The following NPR1 variants were observed in gnomAD, a reference collection of about 807,000 sequenced individuals.
NPR1 encodes the protein natriuretic peptide receptor 1.
In NPR1, 57 loss-of-function variants were observed where a neutral mutation model predicts 116.9. The ratio of observed to expected loss-of-function variants is 0.49; its 90% CI spans 0.39 to 0.61. The LOEUF is 0.61. Ranked by LOEUF, NPR1 falls within the 20% of genes least tolerant of loss-of-function variation. The pLI, the probability that NPR1 is intolerant of heterozygous loss-of-function variation, is 0.00. For missense variants in NPR1, 1,096 were observed against 1,409.8 expected, an observed-to-expected ratio of 0.78 and a Z score of 3.56; for synonymous variants, 555 against 601.6, an observed-to-expected ratio of 0.92 and a Z score of 1.13.
Position 153,679,547 on chromosome 1 carries a change from G to A in NPR1, c.439G>A (p.Gly147Ser), listed in dbSNP as rs1384450489. Reference protein sequence around the residue: ...LTAGAPALGFGVKDEYALTTR... With the variant: ...LTAGAPALGFSVKDEYALTTR... ...CGCCGGCGCCCCGGCGCTGGGCTTC[G>A]GTGTCAAGGACGAGTATGCGCTGAC... The change falls in exon 1 of 22, where the codon GGT becomes AGT. Residue 147 changes from glycine to serine, a missense_variant. Transcript: ENST00000368680. This position sits in a 1 kb window ranked among gnomAD's most constrained non-coding sequence, Gnocchi z 4.2. 67 of 1,545,256 alleles carry A rather than the reference G, an allele frequency of 4.3e-5. No homozygotes were observed. The highest frequency in any genetic ancestry group is 5.8e-5 in the Non-Finnish European group (67 of 1,150,380).
At chr1:153,690,942 CAAAAAAAAAAAAAAAAA>C (rs57820357) in intron 20 of NPR1, among the ~76,000 whole-genome samples, 2 of 51,290 alleles carry the variant, frequency 3.9e-5, no homozygotes. Context: ...AACTCTGTCT[CAAAAAAAAAAAAAAAAA>C]AAAAAAAAAA....
rs1670170761 is a variant in NPR1, at chr1:153,693,792, G to A, written c.*378G>A. On this transcript the variant is annotated 3_prime_UTR_variant, in exon 22 of 22. Transcript: ENST00000368680. ...GGGAGGAGAAAGAGTCACCTGAAGG[G>A]GAACATGAAAAGAGACTAGGTGAAG... The A allele has an allele frequency of 2.5e-6, 1 of 404,686 alleles. No individual in the cohort carries two copies. Among genetic ancestry groups the A allele is most frequent in the African/African-American group, 2.1e-5 (1 of 48,696 alleles). 25.1% of individuals were successfully genotyped at this position (404,686 alleles called of 1,614,324 possible).
At chr1:153,680,109 A>C (rs1571344307) in intron 1 of NPR1, among the ~76,000 whole-genome samples, 2 of 122,624 alleles carry the variant, frequency 1.6e-5, no homozygotes, top group African/African-American at 3.2e-5. Context: ...TCCCTCCCAC[A>C]TTTTCTCTCT....
chr1:153,689,082 C>T lies in NPR1; in HGVS notation c.2547C>T (p.Leu849=), dbSNP rs762238839. 1.9e-6 allele frequency: 3 copies of T among 1,614,224 alleles called. No individual in the cohort carries two copies. Among genetic ancestry groups the T allele is most frequent in the Non-Finnish European group, 2.5e-6 (3 of 1,180,034 alleles). The part of the protein sequence containing the change: ...LEEKRKAEAL[L]YQILPHSVAE... ...AGAAGCGCAAGGCTGAGGCCCTGCT[C>T]TACCAGATCCTGCCTCAGTGAGTGC... Residue 849 remains leucine (L), a synonymous_variant, in exon 16 of 22, where the codon CTC becomes CTT. Transcript: ENST00000368680. This position sits in a 1 kb window ranked among gnomAD's most constrained non-coding sequence, Gnocchi z 5.1.
rs371665644 is a variant in NPR1 at position 153,683,518 on chromosome 1, G to T, written c.1399+7G>T. The T allele has an allele frequency of 2.2e-5, 36 of 1,613,852 alleles. No homozygotes were observed. The African/African-American group carries it at 4.7e-4, about 21-fold the overall frequency. ...GACCCAGCATGCAACCAAGGTGACT[G>T]CCCCTTGCCTTCCAGGCCTCCATCC... is the stretch of plus-strand genomic sequence containing the variant. On this transcript the variant is annotated splice_region_variant and intron_variant, in intron 6 of 21. Transcript: ENST00000368680.
Position 153,679,338 on chromosome 1 carries a change from C to G in NPR1, c.230C>G (p.Thr77Arg), listed in dbSNP as rs1250477709. 1 of 1,536,174 alleles carries G rather than the reference C, an allele frequency of 6.5e-7. No homozygotes were observed. The highest frequency in any genetic ancestry group is 8.7e-7 in the Non-Finnish European group (1 of 1,147,450). ...CGCCCCGACTTGCTGCCGGGCTGGACGGTCCGCACGGTGCTGGGCAGCAGC... is the reference window on the plus strand; with the variant it reads ...CGCCCCGACTTGCTGCCGGGCTGGAGGGTCCGCACGGTGCTGGGCAGCAGC... ...KARPDLLPGW[T>R]VRTVLGSSEN... Residue 77 changes from threonine (T) to arginine (R), a missense_variant, in exon 1 of 22, where the codon ACG becomes AGG. Transcript: ENST00000368680. The surrounding 1 kb of genome is among the most constrained non-coding windows in gnomAD (Gnocchi z 4.2).
chr1:153,688,897 AC>A (rs1490254828), intron 15 of NPR1, 55 bp from the exon 16 acceptor site: 8 of 1,577,900 alleles, frequency 5.1e-6, no homozygotes, highest in East Asian at 2.4e-5. Context: ...GCGGGCGCTC[AC>A]GGTAGGCTGT....
intron 20 of NPR1, 45 bp from the exon 21 acceptor site, chr1:153,693,061 C>T (rs765299419): frequency 3.4e-6 from 5 of 1,491,608 alleles, no homozygotes; most frequent in African/African-American, 1.4e-5. Flanking sequence ...TTCCTGCTCT[C>T]CTCTCTCACA....
Position 153,685,799 on chromosome 1 carries a change from C to A in NPR1, c.1606-7C>A. The A allele has an allele frequency of 6.2e-7, 1 of 1,613,558 alleles. No homozygotes were observed. Among genetic ancestry groups the A allele is most frequent in the Non-Finnish European group, 8.5e-7 (1 of 1,179,462 alleles). On this transcript the variant is annotated splice_region_variant and splice_polypyrimidine_tract_variant and intron_variant, in intron 8 of 21. Coordinates refer to ENST00000368680, the MANE Select transcript of NPR1 (RefSeq NM_000906.4). ...CTGACCATTCCTCCTGCTCTCCCTC[C>A]TTTCAGAGAGGCTCCAATTACGGCT...
chr1:153,679,496 G>C lies in NPR1; in HGVS notation c.388G>C (p.Ala130Pro). ...CGCCGCCCCAGTGGGGCGCTTCACC[G>C]CGCACTGGCGGGTCCCGCTGCTGAC... ...YAAAPVGRFT[A>P]HWRVPLLTAG... The change falls in exon 1 of 22, where the codon GCG (alanine) becomes CCG (proline). Residue 130 changes from alanine (A) to proline (P), a missense_variant. Coordinates refer to ENST00000368680, the MANE Select transcript of NPR1 (RefSeq NM_000906.4). The surrounding 1 kb of genome is among the most constrained non-coding windows in gnomAD (Gnocchi z 4.2). 1 of 1,539,182 alleles carries C rather than the reference G, an allele frequency of 6.5e-7. No individual in the cohort carries two copies. The highest frequency in any genetic ancestry group is 8.7e-7 in the Non-Finnish European group (1 of 1,147,164).
In NPR1 at chr1:153,686,105, T is replaced by C. The variant is rs547553289; in HGVS notation, c.1681-18T>C. 5 of 1,612,278 alleles carry C rather than the reference T, an allele frequency of 3.1e-6. No homozygotes were observed. Among genetic ancestry groups the C allele is most frequent in the Middle Eastern group, 1.7e-4 (1 of 6,056 alleles). On this transcript the variant is annotated intron_variant, in intron 9 of 21. Transcript: ENST00000368680. ...GGGACCATGCTCTTCACAGTGACAG[T>C]CTCCATTCCATGCCCAGGGCAACCT...
In NPR1 at chr1:153,681,272, C is replaced by G; in HGVS notation, c.1014C>G (p.Asn338Lys). 3 of 1,610,604 alleles carry G rather than the reference C, an allele frequency of 1.9e-6. No individual in the cohort carries two copies. The Middle Eastern group carries it at 5.0e-4, about 266-fold the overall frequency. ...AACACCTGGCCTATGAGCAGTTCAA[C>G]TTCACCATGGAGGATGGCCTGGTAA... ...QLKHLAYEQF[N>K]FTMEDGLVNT... Residue 338 changes from asparagine to lysine, a missense_variant, in exon 3 of 22, where the codon AAC becomes AAG. Physicochemically the swap from Asn to Lys is moderately conservative, Grantham distance 94. Transcript: ENST00000368680.
Position 153,685,993 on chromosome 1 carries a change from G to A in NPR1, c.1680+113G>A, listed in dbSNP as rs891143092. On this transcript the variant is annotated intron_variant, in intron 9 of 21. Coordinates refer to ENST00000368680, the MANE Select transcript of NPR1 (RefSeq NM_000906.4). ...GTAAGCTGGTGGGGAGCAGCAGATG[G>A]GGGCCCTGGGGGTGGGCTATTGGGA... is the stretch of plus-strand genomic sequence containing the variant. 2.2e-5 allele frequency: 30 copies of A among 1,364,794 alleles called. No individual in the cohort carries two copies. In the African/African-American group the frequency reaches 4.1e-4, roughly 19 times the overall value. The allele number at this position is 1,364,794 out of a possible 1,614,324, so 84.5% of individuals were successfully genotyped here.
At position 153,687,856 on chromosome 1, in the gene NPR1, T is replaced by A. The variant is rs544755833; in HGVS notation, c.2248+67T>A. 1.0e-3 allele frequency: 1,497 copies of A among 1,475,492 alleles called. 3 individuals are homozygous for A. Among genetic ancestry groups the A allele is most frequent in the Non-Finnish European group, 1.3e-3 (1,366 of 1,090,792 alleles). The allele number at this position is 1,475,492 out of a possible 1,614,324, so 91.4% of individuals were successfully genotyped here. Reference sequence around the variant, plus strand: ...ACGAACCCCAGCCCCAGGGAGAGGGTCCCCTGGCAGCACCACCACACCTTC... The same window carrying A: ...ACGAACCCCAGCCCCAGGGAGAGGGACCCCTGGCAGCACCACCACACCTTC... On this transcript the variant is annotated intron_variant, in intron 14 of 21. Coordinates refer to ENST00000368680, the MANE Select transcript of NPR1 (RefSeq NM_000906.4).
In NPR1 at chr1:153,679,411, G is replaced by C. The variant is rs1343867436; in HGVS notation, c.303G>C (p.Ala101=). 1.9e-5 allele frequency: 29 copies of C among 1,541,842 alleles called. No homozygotes were observed. The highest frequency in any genetic ancestry group is 2.4e-5 in the Non-Finnish European group (27 of 1,148,598). The change falls in exon 1 of 22, where the codon GCG becomes GCC. Residue 101 remains alanine (A), a synonymous_variant. Coordinates refer to ENST00000368680, the MANE Select transcript of NPR1 (RefSeq NM_000906.4). The surrounding 1 kb of genome is among the most constrained non-coding windows in gnomAD (Gnocchi z 4.2). ...VCSDTAAPLA[A]VDLKWEHNPA... is the part of the protein sequence containing the mutation. ...CCGACACCGCAGCGCCCCTGGCCGC[G>C]GTGGACCTCAAGTGGGAGCACAACC...
rs1669690887 is a variant in NPR1, at chr1:153,679,289, C to A, written c.181C>A (p.Leu61Met). ...GGCGCGCGTGGGACCCGCCGTGGAG[C>A]TGGCCCTGGCCCAGGTGAAGGCGCG... The part of the protein sequence containing the change: ...SWARVGPAVE[L>M]ALAQVKARPD... Residue 61 changes from leucine to methionine, a missense_variant, in exon 1 of 22, where the codon CTG becomes ATG. Transcript: ENST00000368680. The surrounding 1 kb of genome is among the most constrained non-coding windows in gnomAD (Gnocchi z 4.2). 1.3e-6 allele frequency: 2 copies of A among 1,529,958 alleles called. No individual in the cohort carries two copies. The highest frequency in any genetic ancestry group is 1.4e-5 in the African/African-American group (1 of 71,116). The allele number at this position is 1,529,958 out of a possible 1,614,324, so 94.8% of individuals were successfully genotyped here.
chr1:153,679,838 C>T lies in NPR1; in HGVS notation c.721+9C>T. On this transcript the variant is annotated intron_variant, in intron 1 of 21. Coordinates refer to ENST00000368680, the MANE Select transcript of NPR1 (RefSeq NM_000906.4). This position sits in a 1 kb window ranked among gnomAD's most constrained non-coding sequence, Gnocchi z 4.2. ...GCCGCGCAAAGGCCGAGGTGAGACG[C>T]TGGCACACCCCGTCCCGCCGCTTAG... is the stretch of plus-strand genomic sequence containing the variant. 1.3e-6 allele frequency: 2 copies of T among 1,536,324 alleles called. No homozygotes were observed. The highest frequency in any genetic ancestry group is 1.2e-5 in the South Asian group (1 of 84,044).
Position 153,687,274 on chromosome 1 carries a change from G to T in NPR1, c.2010G>T (p.Gly670=). 1 of 1,614,124 alleles carries T rather than the reference G, an allele frequency of 6.2e-7. No individual in the cohort carries two copies. Among genetic ancestry groups the T allele is most frequent in the Non-Finnish European group, 8.5e-7 (1 of 1,179,994 alleles). The change falls in exon 13 of 22, where the codon GGG becomes GGT. Residue 670 remains glycine (G), a synonymous_variant. Coordinates refer to ENST00000368680, the MANE Select transcript of NPR1 (RefSeq NM_000906.4). ...NLKSSNCVVD[G]RFVLKITDYG... ...AGTCATCCAACTGCGTGGTAGATGG[G>T]CGCTTTGTGCTCAAGATCACCGACT...
chr1:153,689,024 T>C lies in NPR1; in HGVS notation c.2489T>C (p.Leu830Pro). The C allele has an allele frequency of 6.2e-7, 1 of 1,614,186 alleles. No homozygotes were observed. The highest frequency in any genetic ancestry group is 8.5e-7 in the Non-Finnish European group (1 of 1,180,038). The change falls in exon 16 of 22, where the codon CTG becomes CCG. Residue 830 changes from leucine to proline, a missense_variant. Transcript: ENST00000368680. This position sits in a 1 kb window ranked among gnomAD's most constrained non-coding sequence, Gnocchi z 5.1. Reference protein sequence around the residue: ...MEQYANNLEELVEERTQAYLE... With the variant: ...MEQYANNLEEPVEERTQAYLE... ...CAGTACGCGAACAATCTGGAGGAAC[T>C]GGTGGAGGAGCGGACCCAGGCATAC... is the stretch of plus-strand genomic sequence containing the variant.
Sources: gnomAD v4.1 joint callset for allele counts (sites outside exome capture counted in the v4.1 genomes callset) on GRCh38, gnomAD v4.1.1 for gene constraint, Gnocchi (gnomAD v3.1) non-coding constraint, MANE v1.5 for transcripts, NCBI Gene and HGNC (gene_info 2026-07-23, HGNC 2026-07-21) for gene names.